The following MUC3A variants were observed in gnomAD, a reference collection of about 807,000 sequenced individuals.
MUC3A encodes mucin-3A.
A neutral mutation model predicts 109.0 loss-of-function variants in MUC3A; 109 were observed. The observed-to-expected ratio is 1.00, with a 90% CI of 0.86 to 1.17. The LOEUF is 1.17. MUC3A is among the 50% of genes most tolerant of loss of function. The pLI, the probability that MUC3A is intolerant of heterozygous loss-of-function variation, is 0.00. For missense variants in MUC3A, 3,537 were observed against 2,469.4 expected (o/e 1.43, Z -9.16); for synonymous variants, 1,398 against 981.4 (o/e 1.42, Z -7.93).
chr7:100,960,737 T>C lies in MUC3A; in HGVS notation c.8867-15T>C. 1 of 1,595,754 alleles carries C rather than the reference T, an allele frequency of 6.3e-7. No individual in the cohort carries two copies. The highest frequency in any genetic ancestry group is 8.5e-7 in the Non-Finnish European group (1 of 1,178,520). On this transcript the variant is annotated splice_polypyrimidine_tract_variant and intron_variant, in intron 2 of 11. Coordinates refer to ENST00000379458, the MANE Select transcript of MUC3A (RefSeq NM_005960.2). ...GGCTTTATCCTGAGCTTCCCTTTCTTTCTGTGTTTTCCAGGCACCTGTGAC... is the reference window on the plus strand; with the variant it reads ...GGCTTTATCCTGAGCTTCCCTTTCTCTCTGTGTTTTCCAGGCACCTGTGAC...
In MUC3A at chr7:100,964,744, A is replaced by G. The variant is rs587695646; in HGVS notation, c.9283A>G (p.Ser3095Gly). The G allele has an allele frequency of 6.3e-7, 1 of 1,598,504 alleles. No homozygotes were observed. The highest frequency in any genetic ancestry group is 1.3e-5 in the African/African-American group (1 of 75,084). The change falls in exon 6 of 12, where the codon AGC (serine) becomes GGC (glycine). Residue 3095 changes from serine to glycine, a missense_variant. Coordinates refer to ENST00000379458, the MANE Select transcript of MUC3A (RefSeq NM_005960.2). Reference sequence around the variant, plus strand: ...CCTGGTCCTGCTGGAGATGCCCTTCAGCCCCCAGCTGGAGAGCGAGTATGA... The same window carrying G: ...CCTGGTCCTGCTGGAGATGCCCTTCGGCCCCCAGCTGGAGAGCGAGTATGA... ...DYLVLLEMPF[S>G]PQLESEYEQV...
rs1469758667 is a variant in MUC3A at position 100,959,978 on chromosome 7, C to A, written c.8199C>A (p.Leu2733=). The change falls in exon 2 of 12, where the codon CTC becomes CTA. Residue 2733 remains leucine, a synonymous_variant. Coordinates refer to ENST00000379458, the MANE Select transcript of MUC3A (RefSeq NM_005960.2). ...CTTCTATCACAGGCTTTCCTAGTCT[C>A]TCTTCCTCTGCAACTACCAGCACTT... is the stretch of plus-strand genomic sequence containing the variant. ...GSASITGFPS[L]SSSATTSTSS... is the part of the protein sequence containing the mutation. 2.7e-6 allele frequency: 4 copies of A among 1,507,616 alleles called. No homozygotes were observed. Among genetic ancestry groups the A allele is most frequent in the Non-Finnish European group, 3.5e-6 (4 of 1,139,338 alleles). 93.4% of individuals were successfully genotyped at this position (1,507,616 alleles called of 1,614,324 possible). A position where few individuals can be genotyped will look rare whatever the true frequency, so the allele number is the denominator to read the frequency against.
chr7:100,960,055 C>G lies in MUC3A; in HGVS notation c.8276C>G (p.Ser2759Cys), dbSNP rs1792266601. Residue 2759 changes from serine (S) to cysteine (C), a missense_variant, in exon 2 of 12, where the codon TCT becomes TGT. Coordinates refer to ENST00000379458, the MANE Select transcript of MUC3A (RefSeq NM_005960.2). ...GCTCTCACTGAAATAACCCCCTTTTCTTATATTTCCCTTCCCTCCACCACA... is the reference window on the plus strand; with the variant it reads ...GCTCTCACTGAAATAACCCCCTTTTGTTATATTTCCCTTCCCTCCACCACA... The part of the protein sequence containing the change: ...TTALTEITPF[S>C]YISLPSTTPC... 1.3e-6 allele frequency: 2 copies of G among 1,510,150 alleles called. No homozygotes were observed. Among genetic ancestry groups the G allele is most frequent in the South Asian group, 1.3e-5 (1 of 75,088 alleles). 93.5% of individuals were successfully genotyped at this position (1,510,150 alleles called of 1,614,324 possible).
chr7:100,955,523 C>A lies in MUC3A; in HGVS notation c.3744C>A (p.Thr1248=), dbSNP rs1023322192. 108 of 527,086 alleles carry A rather than the reference C, an allele frequency of 2.0e-4. No individual in the cohort carries two copies. The East Asian group carries it at 3.2e-3, about 16-fold the overall frequency. 32.7% of individuals were successfully genotyped at this position (527,086 alleles called of 1,614,324 possible). ...CCCCCAGCATCCAGAATACAGAAAC[C>A]TCATCCCTTGTCAGCATGACCTCTG... The part of the protein sequence containing the change: ...PSSPSIQNTE[T]SSLVSMTSAT... The change falls in exon 2 of 12, where the codon ACC becomes ACA. Residue 1248 remains threonine (T), a synonymous_variant. Transcript: ENST00000379458.
intron 11 of MUC3A, 71 bp from the exon 12 acceptor site, chr7:100,967,050 A>C: frequency 6.3e-7 from 1 of 1,598,492 alleles, no homozygotes; most frequent in Non-Finnish European, 8.5e-7. Flanking sequence ...CTGGGCTCGG[A>C]TCAGCAGTGA....
At chr7:100,965,545 TGC>T in intron 7 of MUC3A, 157 bp from the exon 8 acceptor site, 2 of 1,418,120 alleles carry the variant, frequency 1.4e-6, no homozygotes, top group Admixed American at 2.2e-5. Context: ...GTGAGGGTGC[TGC>T]GGGTGGCCTC....
chr7:100,964,010 A>T (rs13235106), intron 5 of MUC3A: 1 of 613,546 alleles, frequency 1.6e-6, no homozygotes, highest in Non-Finnish European at 2.9e-6. Context: ...GCCTGGATTG[A>T]TGACTTTGTC....
Position 100,957,490 on chromosome 7 carries a change from C to T in MUC3A, c.5711C>T (p.Thr1904Ile). Residue 1904 changes from threonine (T) to isoleucine (I), a missense_variant, in exon 2 of 12, where the codon ACT (threonine) becomes ATT (isoleucine). Transcript: ENST00000379458. Reference sequence around the variant, plus strand: ...ACCACCAAGATCACCTCACACAGTACTCCTAGCTTCACTTCTTCAATCGCA... The same window carrying T: ...ACCACCAAGATCACCTCACACAGTATTCCTAGCTTCACTTCTTCAATCGCA... The part of the protein sequence containing the change: ...TTTTKITSHS[T>I]PSFTSSIATT... 1 of 1,522,580 alleles carries T rather than the reference C, an allele frequency of 6.6e-7. No individual in the cohort carries two copies. The highest frequency in any genetic ancestry group is 8.8e-7 in the Non-Finnish European group (1 of 1,132,466). The allele number at this position is 1,522,580 out of a possible 1,614,324, so 94.3% of individuals were successfully genotyped here.
rs1321508182 is a variant in MUC3A, at chr7:100,953,274, C to G, written c.1495C>G (p.Leu499Val). 1.9e-6 allele frequency: 1 copy of G among 539,116 alleles called. No individual in the cohort carries two copies. Among genetic ancestry groups the G allele is most frequent in the Non-Finnish European group, 3.3e-6 (1 of 307,680 alleles). The allele number at this position is 539,116 out of a possible 1,614,324, so 33.4% of individuals were successfully genotyped here. A position where few individuals can be genotyped will look rare whatever the true frequency, so the allele number is the denominator to read the frequency against. Reference sequence around the variant, plus strand: ...CATTCAGAATACAGAAACCTCATCCCTTGTCAGCATGACCTCTGCCACTAC... The same window carrying G: ...CATTCAGAATACAGAAACCTCATCCGTTGTCAGCATGACCTCTGCCACTAC... ...PSIQNTETSSLVSMTSATTPN... is the reference protein window; with the variant it reads ...PSIQNTETSSVVSMTSATTPN... The change falls in exon 2 of 12, where the codon CTT becomes GTT. Residue 499 changes from leucine to valine, a missense_variant. Leu to Val is a conservative substitution (Grantham distance 32, BLOSUM62 1). Transcript: ENST00000379458.
rs774296634 is a variant in MUC3A at position 100,964,813 on chromosome 7, C to T, written c.9352C>T (p.Gln3118Ter). The T allele has an allele frequency of 1.3e-6, 2 of 1,598,088 alleles. No homozygotes were observed. Among genetic ancestry groups the T allele is most frequent in the Non-Finnish European group, 1.7e-6 (2 of 1,179,558 alleles). ...TLKEGLQNAS[Q>*]DVNSCQDSQT... is the part of the protein sequence containing the mutation. ...GAAGGAGGGGCTGCAGAACGCCAGC[C>T]AGGATGTGAACAGCTGCCAGGACTC... Residue 3118 changes from glutamine (Q) to a stop codon, truncating the protein, a stop_gained, in exon 6 of 12, where the codon CAG becomes TAG. Coordinates refer to ENST00000379458, the MANE Select transcript of MUC3A (RefSeq NM_005960.2). LOFTEE classifies it high-confidence loss of function.
chr7:100,964,256 A>G (rs867721304), intron 5 of MUC3A: 3,109 of 174,120 alleles, frequency 0.018, no homozygotes, highest in African/African-American at 0.072. Context: ...CAACATAGTG[A>G]GAACCCATCC....
In MUC3A at chr7:100,960,016, C is replaced by T. The variant is rs767970594; in HGVS notation, c.8237C>T (p.Ser2746Phe). 21 of 1,508,248 alleles carry T rather than the reference C, an allele frequency of 1.4e-5. No individual in the cohort carries two copies. In the Admixed American group the frequency reaches 2.3e-4, roughly 16 times the overall value. The allele number at this position is 1,508,248 out of a possible 1,614,324, so 93.4% of individuals were successfully genotyped here. ...ACTACCAGCACTTCTTCAACCAGCTCCTCTCTGACCACAGCTCTCACTGAA... is the reference window on the plus strand; with the variant it reads ...ACTACCAGCACTTCTTCAACCAGCTTCTCTCTGACCACAGCTCTCACTGAA... The part of the protein sequence containing the change: ...SATTSTSSTS[S>F]SLTTALTEIT... Residue 2746 changes from serine to phenylalanine, a missense_variant, in exon 2 of 12, where the codon TCC becomes TTC. By Grantham distance (155) the Ser-to-Phe change is radical. Coordinates refer to ENST00000379458, the MANE Select transcript of MUC3A (RefSeq NM_005960.2).
At chr7:100,963,934 G>T (rs890511695) in intron 5 of MUC3A, 182 bp downstream of exon 5, 26 of 827,276 alleles carry the variant, frequency 3.1e-5, no homozygotes, top group Non-Finnish European at 5.0e-5. Flanking sequence ...TCTGGAGGAG[G>T]GGTGGCACCT....
chr7:100,963,866 G>A (rs4316092), intron 5 of MUC3A, 114 bp downstream of exon 5: 255,460 of 1,305,316 alleles, frequency 0.2, 13 homozygotes, highest in East Asian at 0.3. Flanking sequence ...GGGGTGGAGG[G>A]GGTACATAAG....
intron 5 of MUC3A, 60 bp downstream of exon 5, chr7:100,963,812 A>C (rs1792425259): frequency 2.5e-6 from 4 of 1,593,612 alleles, no homozygotes; most frequent in Non-Finnish European, 3.4e-6. Context: ...TGCGCACACA[A>C]AAAACCCATT....
At position 100,959,582 on chromosome 7, in the gene MUC3A, T is replaced by C. The variant is rs113829577; in HGVS notation, c.7803T>C (p.Phe2601=). The change falls in exon 2 of 12, where the codon TTT becomes TTC. Residue 2601 remains phenylalanine (F), a synonymous_variant. Coordinates refer to ENST00000379458, the MANE Select transcript of MUC3A (RefSeq NM_005960.2). ...CTCCTGCACCTACTACTGTCACCTT[T>C]GGAAGTACGGATTCCTCCACGTCCA... is the stretch of plus-strand genomic sequence containing the variant. The part of the protein sequence containing the change: ...QTSPAPTTVT[F]GSTDSSTSTL... 332,311 of 1,583,270 alleles carry C rather than the reference T, an allele frequency of 0.21. 1,895 individuals are homozygous for C. Among genetic ancestry groups the C allele is most frequent in the Non-Finnish European group, 0.23 (270,976 of 1,170,176 alleles).
intron 3 of MUC3A, among the ~76,000 whole-genome samples, chr7:100,961,339 C>A (rs1792318542): frequency 1.5e-5 from 1 of 66,172 alleles, no homozygotes; most frequent in African/African-American, 6.7e-5. Flanking sequence ...TCAGCGGCTC[C>A]AGGGAAGAAT....
rs758179193 is a variant in MUC3A, at chr7:100,965,726, C to G, written c.9471C>G (p.Pro3157=). 1.3e-5 allele frequency: 21 copies of G among 1,597,926 alleles called. No individual in the cohort carries two copies. The African/African-American group carries it at 2.5e-4, about 19-fold the overall frequency. The change falls in exon 8 of 12, where the codon CCC becomes CCG. Residue 3157 remains proline (P), a synonymous_variant. Transcript: ENST00000379458. Reference sequence around the variant, plus strand: ...CAGCCATCTGCCGCCGCGCCGCTCCCACGGGCTATGAAGAGTTCTACTTCC... The same window carrying G: ...CAGCCATCTGCCGCCGCGCCGCTCCGACGGGCTATGAAGAGTTCTACTTCC... ...TPAAICRRAA[P]TGYEEFYFPL... is the part of the protein sequence containing the mutation.
rs1792125649 is a variant in MUC3A, at chr7:100,957,370, G to A, written c.5591G>A (p.Gly1864Asp). ...TRTTYSTNMTGTLSTVTSLRP... is the reference protein window; with the variant it reads ...TRTTYSTNMTDTLSTVTSLRP... ...ACCACCTATTCCACCAATATGACAG[G>A]TACATTGTCCACTGTGACCTCTCTT... The change falls in exon 2 of 12, where the codon GGT becomes GAT. Residue 1864 changes from glycine to aspartate, a missense_variant. Physicochemically the swap from Gly to Asp is moderately conservative, Grantham distance 94. Transcript: ENST00000379458. The A allele has an allele frequency of 1.9e-5, 12 of 643,914 alleles. No homozygotes were observed. The South Asian group carries it at 2.5e-4, about 13-fold the overall frequency. 39.9% of individuals were successfully genotyped at this position (643,914 alleles called of 1,614,324 possible). A position where few individuals can be genotyped will look rare whatever the true frequency, so the allele number is the denominator to read the frequency against.
Sources: allele counts gnomAD v4.1 joint callset (sites outside exome capture counted in the v4.1 genomes callset), GRCh38; gene constraint gnomAD v4.1.1; transcripts MANE v1.5; gene names NCBI Gene and HGNC (gene_info 2026-07-23, HGNC 2026-07-21).